FKBP9: variants seen among roughly 807,000 people sequenced by gnomAD.
FKBP9 encodes FKBP prolyl isomerase 9.
A neutral mutation model predicts 55.6 loss-of-function variants in FKBP9; 27 were observed. That is an observed-to-expected ratio of 0.49 (90% CI 0.36 to 0.67). The LOEUF is 0.67. Ranked by LOEUF, FKBP9 falls within the 30% of genes least tolerant of loss-of-function variation. The pLI, the probability that FKBP9 is intolerant of heterozygous loss-of-function variation, is 0.00. For missense variants in FKBP9, 539 were observed against 742.8 expected (o/e 0.73, Z 3.19); for synonymous variants, 267 against 296.5 (o/e 0.90, Z 1.02).
intron 1 of FKBP9, among the ~76,000 whole-genome samples, chr7:32,970,720 GT>G (rs3082689): frequency 0.36 from 52,103 of 145,682 alleles, 9,758 homozygotes; most frequent in South Asian, 0.48. Context: ...TTTATTAGTT[GT>G]TTTTTTTTCC....
chr7:32,961,641 G>A (rs1254182533), intron 1 of FKBP9, among the ~76,000 whole-genome samples: 1 of 152,186 alleles, frequency 6.6e-6, no homozygotes, highest in Non-Finnish European at 1.5e-5. Flanking sequence ...AGCCGGAGGT[G>A]AGCAGCAGGT....
intron 5 of FKBP9, among the ~76,000 whole-genome samples, chr7:32,981,422 C>T (rs1784473247): frequency 1.3e-5 from 2 of 152,198 alleles, no homozygotes; most frequent in South Asian, 4.1e-4. Context: ...GTTTATCAGC[C>T]ATGGCCTGCA....
chr7:32,961,987 T>G (rs1282133293), intron 1 of FKBP9, among the ~76,000 whole-genome samples: 1 of 151,906 alleles, frequency 6.6e-6, no homozygotes, highest in Admixed American at 6.6e-5. Context: ...CACAATAAAT[T>G]TGATGTATCT....
At chr7:32,997,042 C>T (rs185231706) in intron 7 of FKBP9, among the ~76,000 whole-genome samples, 5,077 of 151,930 alleles carry the variant, frequency 0.033, 143 homozygotes, top group South Asian at 0.079. Context: ...GATCCACCCG[C>T]CTCGGCCTCC....
At chr7:32,990,869 C>G (rs13230295) in intron 6 of FKBP9, among the ~76,000 whole-genome samples, 78,848 of 151,948 alleles carry the variant, frequency 0.52, 22,679 homozygotes, top group Non-Finnish European at 0.65. Flanking sequence ...AGTGTTCATC[C>G]CAGAGGATCC....
Position 33,002,763 on chromosome 7 carries a change from T to G in FKBP9, c.1460T>G (p.Ile487Arg). Residue 487 changes from isoleucine to arginine, a missense_variant, in exon 9 of 10, where the codon ATA becomes AGA. Coordinates refer to ENST00000242209, the MANE Select transcript of FKBP9 (RefSeq NM_007270.5). ...VAGLPEGYMF[I>R]WNGEVSPNLF... Reference sequence around the variant, plus strand: ...GGCCTTCCTGAGGGGTACATGTTCATATGGAATGGTGAGGTGTCACCCAAC... The same window carrying G: ...GGCCTTCCTGAGGGGTACATGTTCAGATGGAATGGTGAGGTGTCACCCAAC... 3.1e-6 allele frequency: 5 copies of G among 1,614,200 alleles called. No homozygotes were observed. Among genetic ancestry groups the G allele is most frequent in the Non-Finnish European group, 4.2e-6 (5 of 1,180,042 alleles).
Position 33,005,984 on chromosome 7 carries a change from A to G in FKBP9, c.*633A>G. On this transcript the variant is annotated 3_prime_UTR_variant, in exon 10 of 10. Coordinates refer to ENST00000242209, the MANE Select transcript of FKBP9 (RefSeq NM_007270.5). Reference sequence around the variant, plus strand: ...AATAGTGTATAACTTGGAGGTTAAAAGAGCCTTTTGGACAGAAAACTGGGC... The same window carrying G: ...AATAGTGTATAACTTGGAGGTTAAAGGAGCCTTTTGGACAGAAAACTGGGC... 2 of 231,682 alleles carry G rather than the reference A, an allele frequency of 8.6e-6. No individual in the cohort carries two copies. Among genetic ancestry groups the G allele is most frequent in the Non-Finnish European group, 1.7e-5 (2 of 117,050 alleles). The allele number at this position is 231,682 out of a possible 1,614,324, so 14.4% of individuals were successfully genotyped here.
At chr7:32,982,665 C>T (rs1355744095) in intron 5 of FKBP9, among the ~76,000 whole-genome samples, 3 of 151,928 alleles carry the variant, frequency 2.0e-5, no homozygotes, top group South Asian at 2.1e-4. Context: ...TTCTTTATTC[C>T]CTGGAATTAT....
At chr7:32,973,062 C>T (rs2953549) in intron 1 of FKBP9, among the ~76,000 whole-genome samples, 8 of 152,144 alleles carry the variant, frequency 5.3e-5, no homozygotes, top group Non-Finnish European at 1.2e-4. Context: ...TATCCCTCCG[C>T]GTCAGTGAGT....
At chr7:32,987,476 CAG>C (rs1391396006) in intron 5 of FKBP9, among the ~76,000 whole-genome samples, 1 of 130,052 alleles carries the variant, frequency 7.7e-6, no homozygotes, top group East Asian at 2.2e-4. Flanking sequence ...GCCTGGGAGA[CAG>C]AGCAAGACCC....
rs1331216203 is a variant in FKBP9, at chr7:32,994,888, G to A, written c.1040-1275G>A. The A allele has an allele frequency of 3.9e-5, 7 of 177,546 alleles. No individual in the cohort carries two copies. The East Asian group carries it at 5.7e-4, about 14-fold the overall frequency. The allele number at this position is 177,546 out of a possible 1,614,324, so 11.0% of individuals were successfully genotyped here. A position where few individuals can be genotyped will look rare whatever the true frequency, so the allele number is the denominator to read the frequency against. On this transcript the variant is annotated intron_variant, in intron 6 of 9. Transcript: ENST00000242209. The stretch of plus-strand genomic sequence containing the variant: ...CAGGAGGTAAGGAGGGACTGTTGGA[G>A]TTTGTGTATCTCTATCTGAATTTTG...
intron 1 of FKBP9, among the ~76,000 whole-genome samples, chr7:32,967,946 G>C (rs530572130): frequency 1.3e-5 from 2 of 152,242 alleles, no homozygotes; most frequent in Admixed American, 6.5e-5. Flanking sequence ...GTAGAGACAG[G>C]GTTTCTCCGT....
chr7:32,995,691 C>G (rs1359846172), intron 6 of FKBP9, among the ~76,000 whole-genome samples: 2 of 151,938 alleles, frequency 1.3e-5, no homozygotes, highest in Non-Finnish European at 2.9e-5. Context: ...GTGTTTTTTT[C>G]TTTATGAAGT....
intron 1 of FKBP9, 171 bp from the exon 2 acceptor site, chr7:32,974,446 C>G (rs551280894): frequency 1.9e-5 from 8 of 426,734 alleles, no homozygotes; most frequent in Non-Finnish European, 4.2e-6. Context: ...AAATTTCCAA[C>G]CCTACAAGTA....
chr7:32,992,319 G>A (rs191783503), intron 6 of FKBP9, among the ~76,000 whole-genome samples: 2,562 of 89,582 alleles, frequency 0.029, 67 homozygotes, highest in African/African-American at 0.076. Context: ...CTGACTCTCT[G>A]CAGAGGAAAC....
At chr7:32,959,975 A>G (rs1182641948) in intron 1 of FKBP9, among the ~76,000 whole-genome samples, 8 of 152,070 alleles carry the variant, frequency 5.3e-5, no homozygotes, top group Admixed American at 4.6e-4. Context: ...GCTGCGTCCT[A>G]TGGCACCTAT....
At chr7:32,985,279 G>C (rs897818866) in intron 5 of FKBP9, among the ~76,000 whole-genome samples, 10 of 151,086 alleles carry the variant, frequency 6.6e-5, no homozygotes, top group Admixed American at 4.0e-4. Context: ...AGGTTCAAGC[G>C]ATTCTCCTGC....
chr7:32,978,560 G>A (rs1784408726), intron 4 of FKBP9, among the ~76,000 whole-genome samples: 1 of 151,914 alleles, frequency 6.6e-6, no homozygotes, highest in Non-Finnish European at 1.5e-5. Flanking sequence ...GTCTCGCTAC[G>A]TTACCCAGGC....
At chr7:32,968,761 C>T (rs568944443) in intron 1 of FKBP9, among the ~76,000 whole-genome samples, 21 of 149,156 alleles carry the variant, frequency 1.4e-4, no homozygotes, top group African/African-American at 3.7e-4. Flanking sequence ...TTAGTAGAGA[C>T]GGGGTTTTGC....
Sources: allele counts gnomAD v4.1 joint callset (sites outside exome capture counted in the v4.1 genomes callset), GRCh38; gene constraint gnomAD v4.1.1; transcripts MANE v1.5; gene names NCBI Gene and HGNC (gene_info 2026-07-23, HGNC 2026-07-21).